Variants in HEMK2 observed in about 807,000 individuals in gnomAD.
The protein encoded by HEMK2 is methyltransferase HEMK2.
At chr21:28,663,318 G>A in the HEMK2 span, among the ~76,000 whole-genome samples, 89 of 152,322 alleles carry the variant, frequency 5.8e-4, 1 homozygote, top group South Asian at 0.018. Context: ...CTGCAGTGCG[G>A]TAATGTGAGC....
chr21:28,808,672 G>C, the HEMK2 span, among the ~76,000 whole-genome samples: 1 of 151,604 alleles, frequency 6.6e-6, no homozygotes, highest in Non-Finnish European at 1.5e-5. Flanking sequence ...TTTCAATTAT[G>C]TACTGCTAGT....
chr21:28,602,693 A>G, the HEMK2 span, among the ~76,000 whole-genome samples: 2 of 152,236 alleles, frequency 1.3e-5, no homozygotes, highest in East Asian at 3.8e-4. Flanking sequence ...AATAGAGGGT[A>G]AAAGGAATCT....
chr21:28,683,232 A>G, the HEMK2 span, among the ~76,000 whole-genome samples: 1 of 152,150 alleles, frequency 6.6e-6, no homozygotes, highest in East Asian at 1.9e-4. Flanking sequence ...TAACATACAC[A>G]TTTTGGCAAG....
At chr21:28,665,340 T>A in the HEMK2 span, among the ~76,000 whole-genome samples, 171 of 96,128 alleles carry the variant, frequency 1.8e-3, 1 homozygote, top group African/African-American at 8.5e-3. Flanking sequence ...ATTTCTTTTT[T>A]TTTTTTTTTT....
the HEMK2 span, among the ~76,000 whole-genome samples, chr21:28,633,162 G>C: frequency 6.6e-6 from 1 of 152,196 alleles, no homozygotes; most frequent in Non-Finnish European, 1.5e-5. Flanking sequence ...GGTGGCCTGA[G>C]AGGAAGCAAG....
the HEMK2 span, among the ~76,000 whole-genome samples, chr21:28,821,951 G>C: frequency 2.0e-5 from 3 of 152,132 alleles, no homozygotes; most frequent in Non-Finnish European, 2.9e-5. Flanking sequence ...CTGGATACTG[G>C]AAGTTTACCT....
chr21:28,606,143 T>G, the HEMK2 span, among the ~76,000 whole-genome samples: 5 of 152,154 alleles, frequency 3.3e-5, no homozygotes, highest in Non-Finnish European at 7.4e-5. Flanking sequence ...TTTTGAGTTG[T>G]AACAGTATAG....
At chr21:28,862,883 G>A in the HEMK2 span, among the ~76,000 whole-genome samples, 1 of 152,232 alleles carries the variant, frequency 6.6e-6, no homozygotes, top group South Asian at 2.1e-4. Context: ...TATTTGGGTC[G>A]GGGATTGGTG....
chr21:28,695,332 G>A, the HEMK2 span, among the ~76,000 whole-genome samples: 1 of 152,068 alleles, frequency 6.6e-6, no homozygotes. Flanking sequence ...TTTGGGTTGT[G>A]GGGGCAGATC....
the HEMK2 span, among the ~76,000 whole-genome samples, chr21:28,745,849 G>A: frequency 6.6e-6 from 1 of 152,188 alleles, no homozygotes; most frequent in African/African-American, 2.4e-5. Context: ...ACAAGAACAT[G>A]TGAGCACTTT....
the HEMK2 span, among the ~76,000 whole-genome samples, chr21:28,747,402 T>C: frequency 0.19 from 29,467 of 152,172 alleles, 3,567 homozygotes; most frequent in African/African-American, 0.34. Context: ...TGGGATTTAA[T>C]TGAAGTTGAC....
At chr21:28,819,191 A>G in the HEMK2 span, among the ~76,000 whole-genome samples, 1 of 150,772 alleles carries the variant, frequency 6.6e-6, no homozygotes, top group African/African-American at 2.4e-5. Flanking sequence ...CTAGATGGGT[A>G]TTGTTGGATA....
At chr21:28,713,653 T>C in the HEMK2 span, among the ~76,000 whole-genome samples, 1 of 152,174 alleles carries the variant, frequency 6.6e-6, no homozygotes, top group Admixed American at 6.6e-5. Flanking sequence ...TCCCTGTCCC[T>C]GGGAACCAAA....
chr21:28,776,211 T>C, the HEMK2 span, among the ~76,000 whole-genome samples: 1 of 152,162 alleles, frequency 6.6e-6, no homozygotes, highest in Admixed American at 6.5e-5. Flanking sequence ...CAGCCCTAAT[T>C]AGGATTTCTT....
the HEMK2 span, among the ~76,000 whole-genome samples, chr21:28,837,429 C>T: frequency 6.6e-6 from 1 of 152,162 alleles, no homozygotes. Flanking sequence ...ATTAAATAGC[C>T]TGCTCCTTAA....
At chr21:28,747,659 T>C in the HEMK2 span, among the ~76,000 whole-genome samples, 29,472 of 152,208 alleles carry the variant, frequency 0.19, 3,572 homozygotes, top group African/African-American at 0.34. Context: ...TAGATAAATG[T>C]GGTACACATA....
At chr21:28,853,553 G>C in the HEMK2 span, among the ~76,000 whole-genome samples, 1 of 152,134 alleles carries the variant, frequency 6.6e-6, no homozygotes, top group African/African-American at 2.4e-5. Flanking sequence ...TCACCTCTAA[G>C]GGCCTACTGG....
the HEMK2 span, among the ~76,000 whole-genome samples, chr21:28,775,311 G>A: frequency 2.0e-5 from 3 of 152,182 alleles, no homozygotes; most frequent in African/African-American, 7.2e-5. Context: ...CAGAGTGAAG[G>A]AAGAGGAGAA....
the HEMK2 span, among the ~76,000 whole-genome samples, chr21:28,695,232 T>A: frequency 6.6e-6 from 1 of 152,140 alleles, no homozygotes; most frequent in Admixed American, 6.5e-5. Context: ...TACAACAAAA[T>A]ACCATTGCTA....
Sources: gnomAD v4.1 joint callset for allele counts (sites outside exome capture counted in the v4.1 genomes callset) on GRCh38, gnomAD v4.1.1 for gene constraint, MANE v1.5 for transcripts, NCBI Gene and HGNC (gene_info 2026-07-23, HGNC 2026-07-21) for gene names.